Variants in LUZP1 observed in about 807,000 individuals in gnomAD.
LUZP1 encodes leucine zipper protein 1.
In LUZP1, 25 loss-of-function variants were observed where a neutral mutation model predicts 71.3. The ratio of observed to expected loss-of-function variants is 0.35; its 90% CI spans 0.26 to 0.49. The LOEUF is 0.49. LUZP1 is among the 20% of genes least tolerant of loss of function. The pLI, the probability that LUZP1 is intolerant of heterozygous loss-of-function variation, is 0.99. For synonymous variants in LUZP1, 481 were observed against 506.4 expected, an observed-to-expected ratio of 0.95 and a Z score of 0.67; for missense variants, 1,142 against 1,300.8, an observed-to-expected ratio of 0.88 and a Z score of 1.88.
At chr1:23,098,716 A>T (rs1643909578) in intron 3 of LUZP1, among the ~76,000 whole-genome samples, 1 of 152,208 alleles carries the variant, frequency 6.6e-6, no homozygotes, top group Non-Finnish European at 1.5e-5. Context: ...ACAAGAGTGA[A>T]GAAACAGTCT....
At chr1:23,175,684 T>C (rs1434638155) in intron 1 of LUZP1, among the ~76,000 whole-genome samples, 3 of 152,216 alleles carry the variant, frequency 2.0e-5, no homozygotes, top group Non-Finnish European at 4.4e-5. Context: ...GTGCCTAACA[T>C]GTGCCAGGCA....
At chr1:23,097,890 C>A (rs1445313033) in intron 3 of LUZP1, among the ~76,000 whole-genome samples, 2 of 152,146 alleles carry the variant, frequency 1.3e-5, no homozygotes, top group Non-Finnish European at 2.9e-5. Flanking sequence ...TTAAGGTAGA[C>A]TCTAAGGTGG....
intron 2 of LUZP1, among the ~76,000 whole-genome samples, chr1:23,124,160 C>T (rs1644152228): frequency 6.6e-6 from 1 of 152,152 alleles, no homozygotes. Context: ...TGGAAAGCTG[C>T]AGCCCTTCAT....
At chr1:23,085,565 G>T (rs962898897) in exon 5 of LUZP1, 1 of 152,516 alleles carries the variant, frequency 6.6e-6, no homozygotes, top group South Asian at 2.1e-4. Context: ...TTCCTTTATT[G>T]GGAAGTGGTA....
chr1:23,103,582 C>T (rs1477055675), intron 3 of LUZP1, among the ~76,000 whole-genome samples: 1 of 151,902 alleles, frequency 6.6e-6, no homozygotes, highest in African/African-American at 2.4e-5. Flanking sequence ...CAAGACAACT[C>T]ACTCCATCTT....
In LUZP1 at chr1:23,093,062, T is replaced by G; in HGVS notation, c.1200A>C (p.Glu400Asp). The G allele has an allele frequency of 6.2e-7, 1 of 1,614,154 alleles. No individual in the cohort carries two copies. Among genetic ancestry groups the G allele is most frequent in the Non-Finnish European group, 8.5e-7 (1 of 1,179,998 alleles). The change falls in exon 4 of 5, where the codon GAA becomes GAC. Residue 400 changes from glutamate (E) to aspartate (D), a missense_variant. Coordinates refer to ENST00000302291, the Ensembl canonical transcript of LUZP1. The surrounding 1 kb of genome is among the most constrained non-coding windows in gnomAD (Gnocchi z 4.2). ...GAGCAAACTCCCTGTTCCGGAGTCG[T>G]TCCCGCTTATGCTGAGGAGACAGTT...
At chr1:23,086,020 A>G (rs1246841402) in exon 5 of LUZP1, 2 of 152,242 alleles carry the variant, frequency 1.3e-5, no homozygotes, top group Non-Finnish European at 2.9e-5. Flanking sequence ...AAACTGTCAT[A>G]AAAGTGGGTT....
intron 2 of LUZP1, among the ~76,000 whole-genome samples, chr1:23,134,653 C>T (rs1171764247): frequency 4.6e-5 from 7 of 151,948 alleles, no homozygotes; most frequent in Non-Finnish European, 7.4e-5. Context: ...TGGTGGCGCA[C>T]GCCTCTGGTC....
At chr1:23,086,133 G>C (rs1569848024) in exon 5 of LUZP1, 1 of 152,252 alleles carries the variant, frequency 6.6e-6, no homozygotes, top group Admixed American at 6.5e-5. Context: ...CTGATGATGA[G>C]GCCTGGGTCC....
intron 2 of LUZP1, chr1:23,164,000 A>G (rs377612213): frequency 2.0e-5 from 3 of 152,240 alleles, no homozygotes; most frequent in East Asian, 3.8e-4. Context: ...AATACAGAGA[A>G]GATTAGCATG....
intron 2 of LUZP1, among the ~76,000 whole-genome samples, chr1:23,125,744 T>C (rs1193352783): frequency 1.3e-5 from 2 of 152,168 alleles, no homozygotes; most frequent in African/African-American, 2.4e-5. Context: ...ATATCAGAGA[T>C]TAAAGCCAGA....
At position 23,093,824 on chromosome 1, in the gene LUZP1, A is replaced by G. The variant is rs1405166512; in HGVS notation, c.438T>C (p.Asn146=). 6.2e-7 allele frequency: 1 copy of G among 1,613,790 alleles called. No individual in the cohort carries two copies. The highest frequency in any genetic ancestry group is 8.5e-7 in the Non-Finnish European group (1 of 1,179,990). ...GCTCAGAGGAGATTTTCTTGGTCAG[A>G]TTTCTCTCCTCATTCAGGCTCAGAC... Residue 146 remains asparagine (N), a synonymous_variant, in exon 4 of 5, where the codon AAT becomes AAC. Transcript: ENST00000302291. This position sits in a 1 kb window ranked among gnomAD's most constrained non-coding sequence, Gnocchi z 4.2.
rs1400126145 is a variant in LUZP1 at position 23,143,537 on chromosome 1, G to A, written c.-226+25229C>T. Among the ~76,000 whole-genome samples the A allele has an allele frequency of 2.0e-5, 3 of 152,146 alleles. 1 individual carries two copies. Among genetic ancestry groups the A allele is most frequent in the Non-Finnish European group, 4.4e-5 (3 of 68,014 alleles). On this transcript the variant is annotated intron_variant, in intron 2 of 4. Transcript: ENST00000302291. ...TAGAAACACTGTCTATAGTGTTTTA[G>A]TTGCTTCAGTTGTTTTTTGCACATA...
intron 2 of LUZP1, among the ~76,000 whole-genome samples, chr1:23,136,297 C>A (rs1288826003): frequency 2.3e-5 from 1 of 43,608 alleles, no homozygotes. Flanking sequence ...CCGTCTTAAA[C>A]ACACACACAC....
chr1:23,093,682 C>T lies in LUZP1; in HGVS notation c.580G>A (p.Val194Ile), dbSNP rs765477979. The T allele has an allele frequency of 3.1e-6, 5 of 1,612,950 alleles. No homozygotes were observed. The highest frequency in any genetic ancestry group is 4.2e-6 in the Non-Finnish European group (5 of 1,179,870). The change falls in exon 4 of 5, where the codon GTA becomes ATA. Residue 194 changes from valine (V) to isoleucine (I), a missense_variant. Transcript: ENST00000302291. This position sits in a 1 kb window ranked among gnomAD's most constrained non-coding sequence, Gnocchi z 4.2. The stretch of plus-strand genomic sequence containing the variant: ...TCATTCAAGTATTTTCTCTCACTTA[C>T]AAAGCTCAGAGTTAATGATTTCAGC...
chr1:23,088,443 C>T lies in LUZP1; in HGVS notation c.*452G>A, dbSNP rs41268107. 2.4e-3 allele frequency: 372 copies of T among 156,066 alleles called. 2 individuals are homozygous for T. The highest frequency in any genetic ancestry group is 4.1e-3 in the Non-Finnish European group (289 of 70,252). The allele number at this position is 156,066 out of a possible 1,614,324, so 9.7% of individuals were successfully genotyped here. The stretch of plus-strand genomic sequence containing the variant: ...GATGGCTGGTAAATCTTATGGGGTA[C>T]TTGAGCCCATTGGGCAAATGAGGAG... On this transcript the variant is annotated 3_prime_UTR_variant, in exon 5 of 5. Coordinates refer to ENST00000302291, the Ensembl canonical transcript of LUZP1.
At chr1:23,116,443 C>T (rs1644079433) in intron 2 of LUZP1, among the ~76,000 whole-genome samples, 1 of 151,954 alleles carries the variant, frequency 6.6e-6, no homozygotes, top group Admixed American at 6.6e-5. Context: ...ATTGCTTGAG[C>T]CCACGTGTTC....
chr1:23,084,904 A>G (rs1240633095), exon 5 of LUZP1: 1 of 152,686 alleles, frequency 6.5e-6, no homozygotes. Flanking sequence ...CAACGCATAG[A>G]AGACAGATGA....
intron 2 of LUZP1, among the ~76,000 whole-genome samples, chr1:23,126,982 C>G (rs1644177025): frequency 6.6e-6 from 1 of 152,178 alleles, no homozygotes; most frequent in Admixed American, 6.5e-5. Flanking sequence ...TTGGCAAATA[C>G]CAGTGTGAGA....
Sources: allele counts gnomAD v4.1 joint callset (sites outside exome capture counted in the v4.1 genomes callset), GRCh38; gene constraint gnomAD v4.1.1; non-coding constraint Gnocchi (gnomAD v3.1); transcripts MANE v1.5; gene names NCBI Gene and HGNC (gene_info 2026-07-23, HGNC 2026-07-21).